Variants in UBE3C observed in about 807,000 individuals in gnomAD.
The protein encoded by UBE3C is ubiquitin-protein ligase E3C.
Under a neutral mutation model 129.4 loss-of-function variants are expected in UBE3C, and 42 were observed. The observed-to-expected ratio is 0.32, with a 90% CI of 0.25 to 0.42. The LOEUF is 0.42. Ranked by LOEUF, UBE3C falls within the 10% of genes least tolerant of loss-of-function variation. The pLI, the probability that UBE3C is intolerant of heterozygous loss-of-function variation, is 1.00. For missense variants in UBE3C, 1,049 were observed against 1,319.1 expected (o/e 0.80, Z 3.17); for synonymous variants, 510 against 492.4 (o/e 1.04, Z -0.47).
chr7:157,245,788 C>T (rs1796456449), intron 18 of UBE3C, among the ~76,000 whole-genome samples: 1 of 151,936 alleles, frequency 6.6e-6, no homozygotes, highest in Admixed American at 6.6e-5. Context: ...GTCAGGAGTT[C>T]GAGACCAGCC....
chr7:157,196,282 G>A (rs1809119060), intron 10 of UBE3C, among the ~76,000 whole-genome samples: 1 of 152,188 alleles, frequency 6.6e-6, no homozygotes, highest in Admixed American at 6.5e-5. Flanking sequence ...CTAACCTATA[G>A]AATTGTTAAG....
chr7:157,175,995 TCAA>T (rs1312875743), intron 5 of UBE3C, among the ~76,000 whole-genome samples: 1 of 152,190 alleles, frequency 6.6e-6, no homozygotes, highest in Non-Finnish European at 1.5e-5. Flanking sequence ...CATGCTTCAC[TCAA>T]CAGCCGTACA....
At chr7:157,230,905 A>AC (rs1441707782) in intron 17 of UBE3C, among the ~76,000 whole-genome samples, 175 bp from the exon 18 acceptor site, 1 of 152,102 alleles carries the variant, frequency 6.6e-6, no homozygotes, top group Non-Finnish European at 1.5e-5. Flanking sequence ...AGCCTGGGTG[A>AC]CGGAGCAAGA....
Position 157,201,755 on chromosome 7 carries a change from C to T in UBE3C, c.1366C>T (p.Leu456=), listed in dbSNP as rs149432038. Residue 456 remains leucine, a synonymous_variant, in exon 11 of 23, where the codon CTG becomes TTG. Coordinates refer to ENST00000348165, the MANE Select transcript of UBE3C (RefSeq NM_014671.3). ...LYSLAFNARF[L]RHLWFLISSM... is the part of the protein sequence containing the mutation. Reference sequence around the variant, plus strand: ...CAGTTTAGCCTTTAATGCCAGGTTTCTGAGACATCTTTGGTTTCTAATATC... The same window carrying T: ...CAGTTTAGCCTTTAATGCCAGGTTTTTGAGACATCTTTGGTTTCTAATATC... 2 of 1,585,718 alleles carry T rather than the reference C, an allele frequency of 1.3e-6. No homozygotes were observed. The highest frequency in any genetic ancestry group is 1.7e-6 in the Non-Finnish European group (2 of 1,166,102).
chr7:157,204,960 G>C (rs1305954145), intron 11 of UBE3C, among the ~76,000 whole-genome samples: 2 of 152,252 alleles, frequency 1.3e-5, no homozygotes, highest in East Asian at 3.8e-4. Flanking sequence ...GAAAACCCTT[G>C]TTCTCAAGAT....
At chr7:157,197,437 G>T (rs1349419248) in intron 10 of UBE3C, among the ~76,000 whole-genome samples, 1 of 151,020 alleles carries the variant, frequency 6.6e-6, no homozygotes, top group Admixed American at 6.6e-5. Flanking sequence ...ATCCAGATTT[G>T]TCTATATTCA....
At chr7:157,189,769 T>G (rs894496649) in intron 10 of UBE3C, among the ~76,000 whole-genome samples, 4 of 152,142 alleles carry the variant, frequency 2.6e-5, no homozygotes, top group Admixed American at 2.0e-4. Flanking sequence ...TCTTTCTCAC[T>G]CTTTCCTAAA....
At chr7:157,267,500 C>T (rs1797112518) in intron 22 of UBE3C, 85 bp from the exon 23 acceptor site, 5 of 1,484,996 alleles carry the variant, frequency 3.4e-6, no homozygotes, top group Middle Eastern at 1.7e-4. Flanking sequence ...CTGATTGGAG[C>T]AGGCACATTT....
At chr7:157,242,546 A>G (rs1168892157) in intron 18 of UBE3C, among the ~76,000 whole-genome samples, 1 of 110,288 alleles carries the variant, frequency 9.1e-6, no homozygotes, top group African/African-American at 3.7e-5. Context: ...TTAAATTCCT[A>G]CTGTCTTTCA....
intron 14 of UBE3C, 24 bp downstream of exon 14, chr7:157,216,995 T>C: frequency 6.5e-7 from 1 of 1,548,786 alleles, no homozygotes; most frequent in Non-Finnish European, 8.9e-7. Context: ...ATCTTTTTAA[T>C]ATTTATCATT....
Position 157,267,930 on chromosome 7 carries a change from C to T in UBE3C, c.*175C>T. The T allele has an allele frequency of 1.9e-6, 1 of 513,058 alleles. No homozygotes were observed. 31.8% of individuals were successfully genotyped at this position (513,058 alleles called of 1,614,324 possible). On this transcript the variant is annotated 3_prime_UTR_variant, in exon 23 of 23. Transcript: ENST00000348165. Reference sequence around the variant, plus strand: ...TAAATGATTTTTATTACGGTGTGGTCACTTATTTAGATGGACATTGCTTTT... The same window carrying T: ...TAAATGATTTTTATTACGGTGTGGTTACTTATTTAGATGGACATTGCTTTT...
chr7:157,142,961 G>A (rs563186206), intron 1 of UBE3C, among the ~76,000 whole-genome samples: 15 of 151,752 alleles, frequency 9.9e-5, no homozygotes, highest in African/African-American at 3.4e-4. Context: ...TCCACCTCCC[G>A]GGTTCAAGCG....
intron 10 of UBE3C, chr7:157,197,747 C>G: frequency 6.2e-7 from 1 of 1,611,728 alleles, no homozygotes; most frequent in Non-Finnish European, 8.5e-7. Flanking sequence ...CAATAAAGTT[C>G]CGGACATCCA....
chr7:157,214,176 G>A (rs947244747), intron 13 of UBE3C, among the ~76,000 whole-genome samples: 1 of 151,932 alleles, frequency 6.6e-6, no homozygotes, highest in African/African-American at 2.4e-5. Context: ...GGTAACATGT[G>A]ATTACTTCTT....
intron 1 of UBE3C, among the ~76,000 whole-genome samples, chr7:157,152,241 G>T (rs74671488): frequency 4.6e-5 from 7 of 152,178 alleles, no homozygotes; most frequent in South Asian, 2.1e-4. Context: ...AGAGCTGGGG[G>T]AAAGGTAATT....
intron 1 of UBE3C, among the ~76,000 whole-genome samples, chr7:157,157,365 A>G (rs1807938738): frequency 6.6e-6 from 1 of 152,208 alleles, no homozygotes; most frequent in Admixed American, 6.5e-5. Flanking sequence ...TATTTGTAGC[A>G]TCATGAAAAT....
chr7:157,236,893 G>A (rs370047196), intron 18 of UBE3C, among the ~76,000 whole-genome samples: 2 of 151,704 alleles, frequency 1.3e-5, no homozygotes, highest in African/African-American at 4.8e-5. Flanking sequence ...CACCATGCCC[G>A]GCTAATTTTT....
chr7:157,150,256 G>C (rs940995129), intron 1 of UBE3C, among the ~76,000 whole-genome samples: 12 of 152,110 alleles, frequency 7.9e-5, no homozygotes, highest in African/African-American at 2.9e-4. Flanking sequence ...GCACCCGCCT[G>C]TAATCCCAGC....
chr7:157,236,240 C>T (rs1044088941), intron 18 of UBE3C, among the ~76,000 whole-genome samples: 1 of 145,564 alleles, frequency 6.9e-6, no homozygotes, highest in African/African-American at 2.5e-5. Context: ...TCATCTTGAA[C>T]TTTTTTTTAC....
Sources: gnomAD v4.1 joint callset for allele counts (sites outside exome capture counted in the v4.1 genomes callset) on GRCh38, gnomAD v4.1.1 for gene constraint, MANE v1.5 for transcripts, NCBI Gene and HGNC (gene_info 2026-07-23, HGNC 2026-07-21) for gene names.